The following CCSER1 variants were observed in gnomAD, a reference collection of about 807,000 sequenced individuals.
CCSER1 encodes the protein coiled-coil serine rich protein 1.
CCSER1 carries 41 observed loss-of-function variants against 82.0 expected under a neutral mutation model. The observed-to-expected ratio is 0.50, with a 90% CI of 0.39 to 0.65. The LOEUF (loss-of-function observed/expected upper bound fraction) is 0.65. Ranked by LOEUF, CCSER1 falls within the 30% of genes least tolerant of loss-of-function variation. CCSER1 has a pLI of 0.00. For missense variants in CCSER1, 1,119 were observed against 1,064.2 expected (o/e 1.05, Z -0.72); for synonymous variants, 414 against 383.9 (o/e 1.08, Z -0.92).
intron 10 of CCSER1, among the ~76,000 whole-genome samples, chr4:91,316,358 GTCTT>G (rs1745839340): frequency 6.6e-6 from 1 of 151,930 alleles, no homozygotes; most frequent in Admixed American, 6.6e-5. Context: ...ATTACTATCA[GTCTT>G]TCTTAGAGGA....
intron 8 of CCSER1, 115 bp from the exon 9 acceptor site, chr4:90,923,255 A>C: frequency 1.3e-6 from 1 of 750,362 alleles, no homozygotes; most frequent in Non-Finnish European, 2.3e-6. Flanking sequence ...AGCAAAGCAT[A>C]TGCACAGAGA....
At chr4:91,584,905 ATTC>A (rs2110324356) in intron 10 of CCSER1, among the ~76,000 whole-genome samples, 1 of 151,622 alleles carries the variant, frequency 6.6e-6, no homozygotes, top group African/African-American at 2.4e-5. Context: ...GTCTTCCTTC[ATTC>A]TTAACAAGTG....
intron 5 of CCSER1, among the ~76,000 whole-genome samples, chr4:90,571,486 A>G (rs575375711): frequency 1.9e-4 from 29 of 152,308 alleles, no homozygotes; most frequent in African/African-American, 6.7e-4. Flanking sequence ...AAGAAGATTA[A>G]TGCAGAAACA....
intron 10 of CCSER1, among the ~76,000 whole-genome samples, chr4:91,382,914 T>A (rs1400006744): frequency 3.9e-5 from 6 of 152,042 alleles, no homozygotes; most frequent in South Asian, 4.1e-4. Context: ...ACAGCCCTGA[T>A]TAAGTTAGCA....
chr4:90,704,352 C>T (rs1160186044), intron 6 of CCSER1, among the ~76,000 whole-genome samples: 2 of 152,216 alleles, frequency 1.3e-5, no homozygotes, highest in Non-Finnish European at 1.5e-5. Context: ...AGCTGTTAGT[C>T]TGTTGGGCTT....
chr4:91,306,943 G>A lies in CCSER1; in HGVS notation c.2217+220949G>A, dbSNP rs1252436443. ...GGCACATAATGACTGAGATGCTGGT[G>A]TCATCTAAAGAACATTCAGATAATT... On this transcript the variant is annotated intron_variant, in intron 10 of 10. Coordinates refer to ENST00000509176, the MANE Select transcript of CCSER1 (RefSeq NM_001145065.2). Among the ~76,000 whole-genome samples the A allele has an allele frequency of 2.0e-5, 3 of 151,898 alleles. 1 individual carries two copies. The highest frequency in any genetic ancestry group is 7.2e-5 in the African/African-American group (3 of 41,406).
intron 7 of CCSER1, among the ~76,000 whole-genome samples, chr4:90,767,152 A>G (rs1580372571): frequency 6.6e-6 from 1 of 152,192 alleles, no homozygotes; most frequent in East Asian, 1.9e-4. Context: ...GCTTGATTCC[A>G]TAGAAGGACA....
At chr4:91,110,106 C>T (rs918435501) in intron 10 of CCSER1, among the ~76,000 whole-genome samples, 2 of 151,880 alleles carry the variant, frequency 1.3e-5, no homozygotes, top group African/African-American at 2.4e-5. Flanking sequence ...ACACCATTGC[C>T]AAACCATATC....
chr4:91,374,440 T>C (rs1413872293), intron 10 of CCSER1, among the ~76,000 whole-genome samples: 4 of 152,194 alleles, frequency 2.6e-5, no homozygotes, highest in African/African-American at 7.2e-5. Context: ...CTGTGGCCTA[T>C]AAATGAAATG....
intron 10 of CCSER1, among the ~76,000 whole-genome samples, chr4:91,270,986 C>T (rs889905069): frequency 3.3e-5 from 5 of 152,108 alleles, no homozygotes; most frequent in African/African-American, 1.2e-4. Context: ...ATTTATTAAG[C>T]TCCTATGGTT....
chr4:90,977,748 C>T (rs17199127), intron 9 of CCSER1, among the ~76,000 whole-genome samples: 41,455 of 151,432 alleles, frequency 0.27, 6,908 homozygotes, highest in East Asian at 0.39. Context: ...TTCCCACTCC[C>T]ACTCATTTCA....
chr4:90,239,046 T>A (rs1334801307), intron 1 of CCSER1, among the ~76,000 whole-genome samples: 1 of 152,166 alleles, frequency 6.6e-6, no homozygotes. Flanking sequence ...AGACGGGGTT[T>A]TACCATGTTG....
intron 1 of CCSER1, among the ~76,000 whole-genome samples, chr4:90,265,113 G>A (rs951229656): frequency 7.2e-5 from 11 of 151,854 alleles, no homozygotes; most frequent in South Asian, 6.2e-4. Flanking sequence ...CCTTTATAGA[G>A]TGTGTTGAAG....
chr4:91,137,176 C>A (rs1165101005), intron 10 of CCSER1, among the ~76,000 whole-genome samples: 6 of 117,628 alleles, frequency 5.1e-5, no homozygotes, highest in Admixed American at 1.8e-4. Context: ...CCCACCCCAC[C>A]ACAGTCCCCA....
chr4:91,496,653 A>AT (rs570078876), intron 10 of CCSER1, among the ~76,000 whole-genome samples: 501 of 21,956 alleles, frequency 0.023, 144 homozygotes, highest in East Asian at 0.15. Context: ...TTCAATATAT[A>AT]TTGAATATAT....
chr4:90,818,151 TAA>T (rs1561191755), intron 8 of CCSER1, among the ~76,000 whole-genome samples: 1 of 152,148 alleles, frequency 6.6e-6, no homozygotes, highest in Non-Finnish European at 1.5e-5. Context: ...AATTAGTAAT[TAA>T]GAAAGTTTTA....
chr4:90,130,515 TATAAG>T (rs1722636659), intron 1 of CCSER1, among the ~76,000 whole-genome samples: 1 of 152,148 alleles, frequency 6.6e-6, no homozygotes, highest in Non-Finnish European at 1.5e-5. Flanking sequence ...GAAAAGAACA[TATAAG>T]GGAAGATAAG....
intron 8 of CCSER1, among the ~76,000 whole-genome samples, chr4:90,882,617 A>G (rs1383871686): frequency 6.6e-6 from 1 of 152,090 alleles, no homozygotes; most frequent in Non-Finnish European, 1.5e-5. Flanking sequence ...AAAAGAGCCA[A>G]TACTTTTATA....
chr4:90,831,471 T>C (rs566828689), intron 8 of CCSER1, among the ~76,000 whole-genome samples: 2 of 152,310 alleles, frequency 1.3e-5, no homozygotes, highest in Admixed American at 1.3e-4. Context: ...ATATTTGTTT[T>C]AGCAAACATT....
Sources: gnomAD v4.1 joint callset for allele counts (sites outside exome capture counted in the v4.1 genomes callset) on GRCh38, gnomAD v4.1.1 for gene constraint, MANE v1.5 for transcripts, NCBI Gene and HGNC (gene_info 2026-07-23, HGNC 2026-07-21) for gene names.